The following KLF12 variants were observed in gnomAD, a reference collection of about 807,000 sequenced individuals.
KLF12 encodes KLF transcription factor 12.
In KLF12, 9 loss-of-function variants were observed where a neutral mutation model predicts 37.8. That is an observed-to-expected ratio of 0.24 (90% CI 0.14 to 0.42). The LOEUF is 0.42. Ranked by LOEUF, KLF12 falls within the 10% of genes least tolerant of loss-of-function variation. The pLI is 1.00. For missense variants in KLF12, 411 were observed against 516.0 expected (o/e 0.80, Z 1.97); for synonymous variants, 208 against 202.1 (o/e 1.03, Z -0.25).
intron 4 of KLF12, among the ~76,000 whole-genome samples, chr13:73,833,054 T>C (rs751437914): frequency 2.0e-5 from 3 of 152,198 alleles, no homozygotes; most frequent in South Asian, 2.1e-4. Context: ...ATGATGCTGA[T>C]GCAGTTAACT....
In KLF12 at chr13:73,692,183, A is replaced by G. The variant is rs117000850; in HGVS notation, c.*3307T>C. ...AACTGCCTTAATAGAACTTAAGACA[A>G]GTTATCAAGCAGGCTTCTCAGAGTC... is the stretch of plus-strand genomic sequence containing the variant. On this transcript the variant is annotated 3_prime_UTR_variant, in exon 8 of 8. Transcript: ENST00000377669. 2,700 of 152,300 alleles carry G rather than the reference A, an allele frequency of 0.018. 41 individuals are homozygous for G. The highest frequency in any genetic ancestry group is 0.029 in the Non-Finnish European group (1,949 of 68,024). 9.4% of individuals were successfully genotyped at this position (152,300 alleles called of 1,614,324 possible). A position where few individuals can be genotyped will look rare whatever the true frequency, so the allele number is the denominator to read the frequency against.
chr13:74,280,808 T>A, the KLF12 span, among the ~76,000 whole-genome samples: 1 of 141,782 alleles, frequency 7.1e-6, no homozygotes, highest in Admixed American at 8.1e-5. Context: ...ACCATACTCA[T>A]CTTTTTTTTC....
chr13:74,045,534 C>G (rs1893519478), intron 1 of KLF12, among the ~76,000 whole-genome samples: 1 of 151,504 alleles, frequency 6.6e-6, no homozygotes, highest in Non-Finnish European at 1.5e-5. Flanking sequence ...AAAGGGACTG[C>G]AGATGAAAAC....
intron 5 of KLF12, among the ~76,000 whole-genome samples, chr13:73,786,658 G>A (rs924888788): frequency 1.9e-4 from 29 of 151,524 alleles, no homozygotes; most frequent in African/African-American, 5.8e-4. Context: ...CGAGGTGGGA[G>A]GATTGCTTGA....
the KLF12 span, among the ~76,000 whole-genome samples, chr13:74,301,106 A>T: frequency 1.3e-5 from 2 of 152,200 alleles, no homozygotes; most frequent in Non-Finnish European, 2.9e-5. Context: ...TTGCTGTTTT[A>T]AAAAACTTTC....
At chr13:73,810,993 T>C (rs1370103748) in intron 5 of KLF12, among the ~76,000 whole-genome samples, 13 of 132,110 alleles carry the variant, frequency 9.8e-5, no homozygotes, top group Non-Finnish European at 1.5e-4. Flanking sequence ...TTTTTTTTTT[T>C]TTTTTTTTTT....
the KLF12 span, among the ~76,000 whole-genome samples, chr13:74,288,769 A>G: frequency 7.9e-5 from 12 of 152,154 alleles, no homozygotes; most frequent in Non-Finnish European, 1.6e-4. Flanking sequence ...CTGAACAGTG[A>G]TCCTTGGCTG....
At chr13:74,017,956 T>C (rs1054284472) in intron 1 of KLF12, among the ~76,000 whole-genome samples, 3 of 152,006 alleles carry the variant, frequency 2.0e-5, no homozygotes, top group African/African-American at 7.2e-5. Context: ...ACACAGGGCA[T>C]GAGATTATTC....
At chr13:74,094,598 C>T (rs1875870421) in intron 1 of KLF12, among the ~76,000 whole-genome samples, 1 of 148,952 alleles carries the variant, frequency 6.7e-6, no homozygotes, top group African/African-American at 2.4e-5. Flanking sequence ...GCTTTTCTAT[C>T]TTTTCTTTTT....
At chr13:74,200,543 T>C in the KLF12 span, among the ~76,000 whole-genome samples, 17 of 152,116 alleles carry the variant, frequency 1.1e-4, no homozygotes, top group African/African-American at 3.9e-4. Context: ...AGACTGAAGA[T>C]TGAAGAATGT....
intron 5 of KLF12, among the ~76,000 whole-genome samples, chr13:73,786,054 T>G (rs1881322226): frequency 6.6e-6 from 1 of 151,746 alleles, no homozygotes; most frequent in African/African-American, 2.4e-5. Flanking sequence ...TGAGCAGTGT[T>G]AGGGAGTTGC....
chr13:74,112,544 T>C (rs890453942), intron 1 of KLF12, among the ~76,000 whole-genome samples: 12 of 152,264 alleles, frequency 7.9e-5, no homozygotes, highest in African/African-American at 2.4e-4. Context: ...GTTTCAGACT[T>C]TTCTATTATT....
At chr13:73,987,886 G>C (rs1489266938) in intron 2 of KLF12, among the ~76,000 whole-genome samples, 1 of 151,714 alleles carries the variant, frequency 6.6e-6, no homozygotes, top group African/African-American at 2.4e-5. Flanking sequence ...AGGGTAGAGA[G>C]GGAAAGAGTG....
chr13:74,084,866 G>A (rs1875165256), intron 1 of KLF12, among the ~76,000 whole-genome samples: 1 of 152,040 alleles, frequency 6.6e-6, no homozygotes, highest in South Asian at 2.1e-4. Context: ...TTATTTGAAA[G>A]CCAGTGTGCT....
chr13:74,305,203 T>A, the KLF12 span, among the ~76,000 whole-genome samples: 1 of 152,094 alleles, frequency 6.6e-6, no homozygotes, highest in Non-Finnish European at 1.5e-5. Flanking sequence ...AACAGTTTTT[T>A]AAAACCTCCA....
intron 1 of KLF12, among the ~76,000 whole-genome samples, chr13:74,116,000 T>G (rs1043012977): frequency 2.0e-5 from 3 of 152,180 alleles, no homozygotes; most frequent in African/African-American, 7.2e-5. Flanking sequence ...CTTACTGAGA[T>G]TTACCATTCC....
intron 3 of KLF12, among the ~76,000 whole-genome samples, chr13:73,889,224 T>C (rs2139007791): frequency 6.6e-6 from 1 of 152,232 alleles, no homozygotes; most frequent in Middle Eastern, 3.4e-3. Flanking sequence ...ATTTAACATT[T>C]ATATACAAAA....
Position 73,822,913 on chromosome 13 carries a change from T to C in KLF12, c.671-9626A>G, listed in dbSNP as rs147488327. On this transcript the variant is annotated intron_variant, in intron 4 of 7. Coordinates refer to ENST00000377669, the MANE Select transcript of KLF12 (RefSeq NM_007249.5). ...ATAACCTTTGCCTTTTGTTCATTCATTATAACTGCTCCAAACCAAGCCAAT... is the reference window on the plus strand; with the variant it reads ...ATAACCTTTGCCTTTTGTTCATTCACTATAACTGCTCCAAACCAAGCCAAT... Among the ~76,000 whole-genome samples, 283 of 152,336 alleles carry C rather than the reference T, an allele frequency of 1.9e-3. 1 individual carries two copies. The highest frequency in any genetic ancestry group is 6.0e-3 in the African/African-American group (250 of 41,572).
intron 1 of KLF12, among the ~76,000 whole-genome samples, chr13:74,037,363 C>A (rs1479380963): frequency 6.6e-6 from 1 of 152,064 alleles, no homozygotes; most frequent in Admixed American, 6.6e-5. Flanking sequence ...TGCAGTATGT[C>A]GGAAGGGACG....
Sources: allele counts gnomAD v4.1 joint callset (sites outside exome capture counted in the v4.1 genomes callset), GRCh38; gene constraint gnomAD v4.1.1; transcripts MANE v1.5; gene names NCBI Gene and HGNC (gene_info 2026-07-23, HGNC 2026-07-21).